Variants in CADM3 observed in about 807,000 individuals in gnomAD.
The protein encoded by CADM3 is TSLC1-like 1.
CADM3 carries 11 observed loss-of-function variants against 44.9 expected under a neutral mutation model. That is an observed-to-expected ratio of 0.25 (90% confidence interval 0.15 to 0.41). The LOEUF (loss-of-function observed/expected upper bound fraction) is 0.41, where lower values mean the gene tolerates loss of function less well. Ranked by LOEUF, CADM3 falls within the 10% of genes least tolerant of loss-of-function variation. The pLI is 1.00. For synonymous variants in CADM3, 207 were observed against 205.2 expected (o/e 1.01, Z -0.08); for missense variants, 426 against 512.0 (o/e 0.83, Z 1.62).
intron 7 of CADM3, chr1:159,197,307 G>A (rs573777914): frequency 6.6e-4 from 285 of 428,968 alleles, no homozygotes; most frequent in African/African-American, 4.9e-3. Flanking sequence ...TGGTGGCCTG[G>A]GTGACACCAT....
intron 5 of CADM3, chr1:159,195,870 C>G (rs1649870461): frequency 6.5e-6 from 1 of 153,092 alleles, no homozygotes; most frequent in African/African-American, 2.4e-5. Flanking sequence ...ACCCTGGTCT[C>G]TTGCTGTTTC....
intron 1 of CADM3, among the ~76,000 whole-genome samples, chr1:159,180,250 A>C (rs1230331352): frequency 6.6e-6 from 1 of 152,200 alleles, no homozygotes; most frequent in Non-Finnish European, 1.5e-5. Context: ...CTGGGTCATA[A>C]TAAAATCTGT....
chr1:159,196,508 C>T (rs1184198274), intron 6 of CADM3, 54 bp downstream of exon 6: 1 of 1,424,832 alleles, frequency 7.0e-7, no homozygotes, highest in Admixed American at 1.8e-5. Context: ...CTCAGATTGC[C>T]TTCTTCACAT....
intron 2 of CADM3, 47 bp downstream of exon 2, chr1:159,192,123 G>C: frequency 1.9e-6 from 3 of 1,598,466 alleles, no homozygotes; most frequent in Non-Finnish European, 1.7e-6. Context: ...ATGGGCTAGA[G>C]AAGGGGACTG....
At chr1:159,194,177 A>G in intron 5 of CADM3, 137 bp downstream of exon 5, 4 of 955,712 alleles carry the variant, frequency 4.2e-6, no homozygotes, top group Non-Finnish European at 6.1e-6. Flanking sequence ...GACTGCCAGG[A>G]CTAGGCCAGG....
At chr1:159,172,615 A>T (rs1330097247) in intron 1 of CADM3, among the ~76,000 whole-genome samples, 2 of 152,058 alleles carry the variant, frequency 1.3e-5, no homozygotes, top group Non-Finnish European at 2.9e-5. Flanking sequence ...TTTGGGGAGG[A>T]GGATGCATGA....
rs1557936347 is a variant in CADM3 at position 159,192,717 on chromosome 1, C to T, written c.369C>T (p.Leu123=). The T allele has an allele frequency of 1.4e-5, 23 of 1,613,320 alleles. 1 individual carries two copies. The South Asian group carries it at 1.4e-4, about 10-fold the overall frequency. Residue 123 remains leucine, a synonymous_variant, in exon 3 of 9, where the codon CTC becomes CTT. Coordinates refer to ENST00000368125, the MANE Select transcript of CADM3 (RefSeq NM_001127173.3). ...FTMPVRTAKS[L]VTVLGIPQKP... The stretch of plus-strand genomic sequence containing the variant: ...TGCCTGTGCGAACTGCCAAGTCCCT[C>T]GTCACTGTGCTAGGTGAGACTCCCA...
At chr1:159,186,400 C>T (rs1649419488) in intron 1 of CADM3, among the ~76,000 whole-genome samples, 4 of 152,172 alleles carry the variant, frequency 2.6e-5, no homozygotes, top group Admixed American at 2.6e-4. Context: ...CAACCTGGGC[C>T]TTCTCTCACT....
intron 1 of CADM3, among the ~76,000 whole-genome samples, chr1:159,175,705 T>C (rs545046419): frequency 2.0e-5 from 3 of 152,364 alleles, no homozygotes; most frequent in East Asian, 3.9e-4. Context: ...CCTTAGGCTC[T>C]TTCTCTTTCC....
chr1:159,194,186 G>T (rs2814766), intron 5 of CADM3, 146 bp downstream of exon 5: 27,053 of 854,470 alleles, frequency 0.032, 2,729 homozygotes, highest in African/African-American at 0.29. Context: ...GACTAGGCCA[G>T]GGTTGGCAAA....
At chr1:159,176,671 T>G (rs913580465) in intron 1 of CADM3, among the ~76,000 whole-genome samples, 3 of 152,168 alleles carry the variant, frequency 2.0e-5, no homozygotes, top group Non-Finnish European at 1.5e-5. Flanking sequence ...CCAATTCTGT[T>G]ATATATGACA....
rs571902827 is a variant in CADM3 at position 159,193,336 on chromosome 1, G to A, written c.383-87G>A. 9.2e-5 allele frequency: 125 copies of A among 1,358,688 alleles called. No homozygotes were observed. In the South Asian group the frequency reaches 1.4e-3, roughly 15 times the overall value. The allele number at this position is 1,358,688 out of a possible 1,614,324, so 84.2% of individuals were successfully genotyped here. On this transcript the variant is annotated intron_variant, in intron 3 of 8. Transcript: ENST00000368125. ...AGAAATTATAGTAGAACCCAGGTACGCAGAGAAGCCATCTCCACAGGGAGA... is the reference window on the plus strand; with the variant it reads ...AGAAATTATAGTAGAACCCAGGTACACAGAGAAGCCATCTCCACAGGGAGA...
In CADM3 at chr1:159,196,671, G is replaced by T. The variant is rs536719552; in HGVS notation, c.782+217G>T. 136 of 637,810 alleles carry T rather than the reference G, an allele frequency of 2.1e-4. 5 individuals carry two copies. In the South Asian group the frequency reaches 2.7e-3, roughly 13 times the overall value. 39.5% of individuals were successfully genotyped at this position (637,810 alleles called of 1,614,324 possible). A position where few individuals can be genotyped will look rare whatever the true frequency, so the allele number is the denominator to read the frequency against. ...CTCAGTCCCTGAGTTTCCCACAAAG[G>T]CCAAGTTAAAGTAAGATACAAGTCT... On this transcript the variant is annotated intron_variant, in intron 6 of 8. Transcript: ENST00000368125.
chr1:159,194,002 G>A lies in CADM3; in HGVS notation c.653G>A (p.Gly218Glu). 1 of 1,614,112 alleles carries A rather than the reference G, an allele frequency of 6.2e-7. No individual in the cohort carries two copies. Among genetic ancestry groups the A allele is most frequent in the Non-Finnish European group, 8.5e-7 (1 of 1,180,028 alleles). The part of the protein sequence containing the change: ...VCSVNHESLK[G>E]ADRSTSQRIE... Reference sequence around the variant, plus strand: ...TCTGTGAACCATGAATCTCTAAAGGGAGCTGACAGATCCACCTCTCAACGC... The same window carrying A: ...TCTGTGAACCATGAATCTCTAAAGGAAGCTGACAGATCCACCTCTCAACGC... The change falls in exon 5 of 9, where the codon GGA becomes GAA. Residue 218 changes from glycine to glutamate, a missense_variant. By Grantham distance (98) the Gly-to-Glu change is moderately conservative. This residue lies in a region of CADM3 where 362 missense variants were observed against 474.6 expected (regional missense o/e 0.76). Coordinates refer to ENST00000368125, the MANE Select transcript of CADM3 (RefSeq NM_001127173.3).
chr1:159,192,877 A>T, intron 3 of CADM3, 147 bp downstream of exon 3: 1 of 763,458 alleles, frequency 1.3e-6, no homozygotes, highest in Non-Finnish European at 2.1e-6. Context: ...ATGGGATAAA[A>T]TGTAAAAAGA....
intron 1 of CADM3, among the ~76,000 whole-genome samples, chr1:159,177,143 G>C (rs1420042759): frequency 6.6e-6 from 1 of 152,052 alleles, no homozygotes; most frequent in Non-Finnish European, 1.5e-5. Flanking sequence ...GTAAGTTGTA[G>C]CACATTAAAA....
At chr1:159,176,497 C>T (rs569852971) in intron 1 of CADM3, among the ~76,000 whole-genome samples, 4 of 152,194 alleles carry the variant, frequency 2.6e-5, no homozygotes, top group East Asian at 1.9e-4. Context: ...GAACTTGCTC[C>T]GATTAAGTAT....
intron 1 of CADM3, among the ~76,000 whole-genome samples, chr1:159,188,781 G>A (rs934098748): frequency 2.0e-5 from 3 of 152,192 alleles, no homozygotes; most frequent in Non-Finnish European, 4.4e-5. Context: ...ACCAAGAAAG[G>A]AATAGGCAGA....
chr1:159,198,459 T>C (rs1250221345), intron 7 of CADM3, among the ~76,000 whole-genome samples: 2 of 152,124 alleles, frequency 1.3e-5, no homozygotes, highest in African/African-American at 4.8e-5. Flanking sequence ...ACCCCAATCA[T>C]ATCATAGATT....
Sources: allele counts gnomAD v4.1 joint callset (sites outside exome capture counted in the v4.1 genomes callset), GRCh38; gene constraint gnomAD v4.1.1; regional missense constraint gnomAD v4.1.1; transcripts MANE v1.5; gene names NCBI Gene and HGNC (gene_info 2026-07-23, HGNC 2026-07-21).